PDE4D: variants seen among roughly 807,000 people sequenced by gnomAD.
The protein encoded by PDE4D is 3',5'-cyclic-AMP phosphodiesterase 4D.
Under a neutral mutation model 87.4 loss-of-function variants are expected in PDE4D, and 24 were observed. The observed-to-expected ratio is 0.27, with a 90% CI of 0.20 to 0.39. The LOEUF is 0.39. Ranked by LOEUF, PDE4D falls within the 10% of genes least tolerant of loss-of-function variation. The pLI is 1.00. For missense variants in PDE4D, 714 were observed against 1,041.0 expected, an observed-to-expected ratio of 0.69 and a Z score of 4.32; for synonymous variants, 384 against 383.2, an observed-to-expected ratio of 1.00 and a Z score of -0.02.
chr5:59,683,779 TTAAATA>T (rs1749417481), intron 1 of PDE4D, among the ~76,000 whole-genome samples: 1 of 152,206 alleles, frequency 6.6e-6, no homozygotes, highest in Admixed American at 6.5e-5. Context: ...GACAACATAT[TTAAATA>T]TATAGTATCA....
chr5:59,108,983 G>GTT (rs1772139900), intron 5 of PDE4D, among the ~76,000 whole-genome samples: 1 of 151,010 alleles, frequency 6.6e-6, no homozygotes, highest in Non-Finnish European at 1.5e-5. Flanking sequence ...GTGTGTGTGT[G>GTT]TGTGTGTGTG....
intron 3 of PDE4D, among the ~76,000 whole-genome samples, chr5:59,970,774 T>TCCA (rs1760642884): frequency 6.8e-6 from 1 of 147,542 alleles, no homozygotes. Flanking sequence ...GTAAACTAGT[T>TCCA]CAACCATTGT....
At chr5:59,615,456 TC>T (rs34242974) in intron 1 of PDE4D, among the ~76,000 whole-genome samples, 131,449 of 152,038 alleles carry the variant, frequency 0.86, 56,871 homozygotes, top group South Asian at 0.93. Flanking sequence ...TAGATTAAAT[TC>T]CCCCACGAAA....
chr5:59,399,387 T>C (rs1158829496), intron 1 of PDE4D, among the ~76,000 whole-genome samples: 3 of 137,868 alleles, frequency 2.2e-5, no homozygotes, highest in Non-Finnish European at 5.0e-5. Context: ...AACAGAGATA[T>C]AGATCAATGG....
intron 1 of PDE4D, among the ~76,000 whole-genome samples, chr5:60,435,056 G>A (rs898465830): frequency 2.0e-5 from 3 of 152,108 alleles, no homozygotes; most frequent in Admixed American, 2.0e-4. Flanking sequence ...AGATGTGTTT[G>A]CCATTAGCCT....
rs111549934 is a variant in PDE4D, at chr5:60,304,462, G to C, written c.-89-118775C>G. Among the ~76,000 whole-genome samples the C allele has an allele frequency of 4.6e-3, 690 of 151,034 alleles. 6 individuals are homozygous for C. Among genetic ancestry groups the C allele is most frequent in the African/African-American group, 0.016 (659 of 40,778 alleles). ...AGATCGAGACCATCCTGGTTAACAA[G>C]GTGAAACCCCGTCTCTACTAAAAAT... On this transcript the variant is annotated intron_variant, in intron 1 of 16. Transcript: ENST00000502484.
intron 6 of PDE4D, among the ~76,000 whole-genome samples, chr5:59,026,825 T>C (rs1377051546): frequency 6.6e-6 from 1 of 152,222 alleles, no homozygotes; most frequent in African/African-American, 2.4e-5. Flanking sequence ...CAGATCTAGA[T>C]TTACAGAAAA....
intron 3 of PDE4D, among the ~76,000 whole-genome samples, chr5:59,930,309 G>C (rs2152787266): frequency 6.6e-6 from 1 of 152,190 alleles, no homozygotes; most frequent in Middle Eastern, 3.4e-3. Flanking sequence ...TTAGGGTGGA[G>C]TTTAAATCCA....
chr5:59,010,378 C>A (rs1752536423), intron 6 of PDE4D, among the ~76,000 whole-genome samples: 1 of 150,868 alleles, frequency 6.6e-6, no homozygotes, highest in African/African-American at 2.4e-5. Context: ...TCAAAGTATT[C>A]TTTTAAGTAT....
intron 1 of PDE4D, among the ~76,000 whole-genome samples, chr5:60,349,582 T>C (rs1759011161): frequency 1.3e-5 from 2 of 152,282 alleles, no homozygotes; most frequent in Middle Eastern, 3.4e-3. Context: ...CAAACGTCAA[T>C]CCAATCACTT....
intron 1 of PDE4D, among the ~76,000 whole-genome samples, chr5:59,263,378 T>C (rs1204929944): frequency 1.3e-5 from 2 of 151,840 alleles, no homozygotes; most frequent in African/African-American, 4.8e-5. Context: ...TGTACAAGGT[T>C]TCATGACAGC....
At chr5:59,579,934 A>G (rs533458764) in intron 1 of PDE4D, among the ~76,000 whole-genome samples, 2 of 152,348 alleles carry the variant, frequency 1.3e-5, no homozygotes, top group African/African-American at 4.8e-5. Context: ...TCATTCTGAG[A>G]AAATACAGAA....
At chr5:60,186,710 G>C (rs1364134345) in intron 1 of PDE4D, among the ~76,000 whole-genome samples, 1 of 152,150 alleles carries the variant, frequency 6.6e-6, no homozygotes, top group Non-Finnish European at 1.5e-5. Context: ...ACATGTGTCT[G>C]AGACTTAAGG....
intron 1 of PDE4D, among the ~76,000 whole-genome samples, chr5:59,321,635 C>G (rs1160424947): frequency 6.6e-6 from 1 of 152,046 alleles, no homozygotes; most frequent in Non-Finnish European, 1.5e-5. Flanking sequence ...TGAAAAGGCG[C>G]CTCAGGACTG....
In PDE4D at chr5:60,304,577, G is replaced by A. The variant is rs1036235319; in HGVS notation, c.-89-118890C>T. On this transcript the variant is annotated intron_variant, in intron 1 of 16. Coordinates refer to the PDE4D transcript ENST00000502484. ...GGAGAATGGCGTGAACCCGGGAAGCGGAGCTTGCAGTGAGCCGAGATTGCG... is the reference window on the plus strand; with the variant it reads ...GGAGAATGGCGTGAACCCGGGAAGCAGAGCTTGCAGTGAGCCGAGATTGCG... Among the ~76,000 whole-genome samples, 242 of 149,932 alleles carry A rather than the reference G, an allele frequency of 1.6e-3. 2 individuals are homozygous for A. The highest frequency in any genetic ancestry group is 5.6e-3 in the African/African-American group (226 of 40,218).
intron 2 of PDE4D, among the ~76,000 whole-genome samples, chr5:60,137,021 A>G (rs550970638): frequency 3.3e-5 from 5 of 152,172 alleles, no homozygotes; most frequent in African/African-American, 9.6e-5. Flanking sequence ...CAATGTGTCC[A>G]TGCGTTCTGA....
At chr5:59,584,087 C>G (rs116690815) in intron 1 of PDE4D, among the ~76,000 whole-genome samples, 1 of 152,132 alleles carries the variant, frequency 6.6e-6, no homozygotes, top group Non-Finnish European at 1.5e-5. Flanking sequence ...AGCAATTTGG[C>G]GAGACCTTTA....
intron 1 of PDE4D, among the ~76,000 whole-genome samples, chr5:60,231,422 T>C (rs1745793042): frequency 6.6e-6 from 1 of 151,918 alleles, no homozygotes; most frequent in Non-Finnish European, 1.5e-5. Flanking sequence ...GAGTAAAGTC[T>C]ACTTGAATGA....
At chr5:60,417,555 T>C (rs1441984891) in intron 1 of PDE4D, among the ~76,000 whole-genome samples, 1 of 152,194 alleles carries the variant, frequency 6.6e-6, no homozygotes, top group Non-Finnish European at 1.5e-5. Flanking sequence ...CAGTGTTTTA[T>C]AATAAGTTGG....
Sources: allele counts gnomAD v4.1 joint callset (sites outside exome capture counted in the v4.1 genomes callset), GRCh38; gene constraint gnomAD v4.1.1; transcripts MANE v1.5; gene names NCBI Gene and HGNC (gene_info 2026-07-23, HGNC 2026-07-21).